RNF4: variants seen among roughly 807,000 people sequenced by gnomAD.
RNF4 encodes the protein ring finger protein 4, also known as E3 ubiquitin-protein ligase RNF4.
A neutral mutation model predicts 24.3 loss-of-function variants in RNF4; 7 were observed. That is an observed-to-expected ratio of 0.29 (90% CI 0.16 to 0.54). RNF4 has a LOEUF of 0.54. Among genes scored for constraint, RNF4 ranks in the 20% least tolerant of loss-of-function variants. RNF4 has a pLI of 0.95. For missense variants in RNF4, 209 were observed against 248.5 expected, an observed-to-expected ratio of 0.84 and a Z score of 1.07; for synonymous variants, 83 against 84.3, an observed-to-expected ratio of 0.98 and a Z score of 0.09.
At chr4:2,493,422 G>T (rs932030671) in intron 2 of RNF4, among the ~76,000 whole-genome samples, 3 of 152,072 alleles carry the variant, frequency 2.0e-5, no homozygotes, top group South Asian at 4.1e-4. Context: ...GGCTCCCTCA[G>T]TGGGGCCCAG....
At chr4:2,476,724 T>G (rs1735088472) in intron 1 of RNF4, among the ~76,000 whole-genome samples, 1 of 151,258 alleles carries the variant, frequency 6.6e-6, no homozygotes, top group African/African-American at 2.4e-5. Flanking sequence ...TTTTTTTAAT[T>G]TAAGAGAAGG....
rs375158980 is a variant in RNF4, at chr4:2,501,025, G to C, written c.204+287G>C. On this transcript the variant is annotated intron_variant, in intron 4 of 7. Transcript: ENST00000314289. ...GAGTAGGTCTGTGTAACCTGACCTT[G>C]CCACACCTGGGCACAAAAGTGGTTT... 2.0e-5 allele frequency among the ~76,000 whole-genome samples: 3 copies of C among 152,192 alleles called. No individual in the cohort carries two copies. In the East Asian group the frequency reaches 5.8e-4, roughly 29 times the overall value.
chr4:2,507,842 CTTTTTCTTTTTT>C (rs1483685186), intron 4 of RNF4, among the ~76,000 whole-genome samples: 1 of 151,950 alleles, frequency 6.6e-6, no homozygotes, highest in African/African-American at 2.4e-5. Flanking sequence ...GTGAGTGAAT[CTTTTTCTTTTTT>C]TTTTTCTTTT....
intron 4 of RNF4, among the ~76,000 whole-genome samples, chr4:2,502,630 T>C (rs3108490): frequency 0.89 from 132,799 of 149,910 alleles, 58,914 homozygotes; most frequent in South Asian, 0.94. Flanking sequence ...CGAGATCACG[T>C]CACTGCACTC....
Position 2,490,423 on chromosome 4 carries a change from T to C in RNF4, c.-71T>C. ...AGAGGGCATGAAAGGTTGAGAACAT[T>C]TGACTTCCCTGCAAACCTTGGTATA... On this transcript the variant is annotated 5_prime_UTR_variant, in exon 2 of 8. Transcript: ENST00000314289. The C allele has an allele frequency of 1.9e-6, 3 of 1,542,650 alleles. No homozygotes were observed. Among genetic ancestry groups the C allele is most frequent in the Non-Finnish European group, 2.7e-6 (3 of 1,124,804 alleles).
At chr4:2,511,695 C>T (rs1009557663) in intron 4 of RNF4, among the ~76,000 whole-genome samples, 19 of 152,110 alleles carry the variant, frequency 1.2e-4, no homozygotes, top group Non-Finnish European at 2.1e-4. Flanking sequence ...GCTGTGTTCA[C>T]GCTCCAGGAG....
In RNF4 at chr4:2,491,987, A is replaced by G. The variant is rs531162720; in HGVS notation, c.9+1485A>G. 2.0e-5 allele frequency among the ~76,000 whole-genome samples: 3 copies of G among 151,934 alleles called. No homozygotes were observed. The South Asian group carries it at 6.2e-4, about 32-fold the overall frequency. ...GCCGAGGTGGGCGGATCACGAGGTC[A>G]GGAGATCAAGACCATCCTGGCTAAC... On this transcript the variant is annotated intron_variant, in intron 2 of 7. Transcript: ENST00000314289.
intron 1 of RNF4, 113 bp from the exon 2 acceptor site, chr4:2,490,224 G>A (rs951664043): frequency 4.8e-6 from 2 of 417,050 alleles, no homozygotes; most frequent in Non-Finnish European, 8.7e-6. Context: ...GTCATTGCGT[G>A]AAATAGTAAG....
At chr4:2,484,568 G>A (rs749277351) in intron 1 of RNF4, among the ~76,000 whole-genome samples, 1 of 151,202 alleles carries the variant, frequency 6.6e-6, no homozygotes, top group Non-Finnish European at 1.5e-5. Context: ...TCTGCACATC[G>A]TATACATATA....
intron 1 of RNF4, among the ~76,000 whole-genome samples, chr4:2,471,691 C>A (rs1467995119): frequency 1.3e-5 from 2 of 152,214 alleles, no homozygotes; most frequent in African/African-American, 4.8e-5. Flanking sequence ...ATAAGCCAAA[C>A]AGCCTTATTG....
intron 4 of RNF4, among the ~76,000 whole-genome samples, chr4:2,506,979 T>C (rs1329333157): frequency 6.6e-6 from 1 of 152,196 alleles, no homozygotes; most frequent in Non-Finnish European, 1.5e-5. Context: ...CGAGATTCTT[T>C]AAGGGGAAGG....
Position 2,512,026 on chromosome 4 carries a change from C to T in RNF4, c.214+61C>T, listed in dbSNP as rs777422183. On this transcript the variant is annotated intron_variant, in intron 5 of 7. Transcript: ENST00000314289. This position sits in a 1 kb window ranked among gnomAD's most constrained non-coding sequence, Gnocchi z 4.1. Reference sequence around the variant, plus strand: ...AGAGGAAACTGGCATAGGTGAGAGCCGCGGTGCTGCAGGTCTTGCCAGACC... The same window carrying T: ...AGAGGAAACTGGCATAGGTGAGAGCTGCGGTGCTGCAGGTCTTGCCAGACC... 3.9e-6 allele frequency: 6 copies of T among 1,523,994 alleles called. No individual in the cohort carries two copies. The highest frequency in any genetic ancestry group is 1.2e-5 in the South Asian group (1 of 85,532). The allele number at this position is 1,523,994 out of a possible 1,614,324, so 94.4% of individuals were successfully genotyped here.
intron 4 of RNF4, among the ~76,000 whole-genome samples, chr4:2,510,502 ATG>A (rs1312277176): frequency 6.6e-6 from 1 of 152,194 alleles, no homozygotes; most frequent in African/African-American, 2.4e-5. Flanking sequence ...TTTCTTCAGG[ATG>A]CAGCTGTGCC....
At chr4:2,510,453 A>G (rs1712089209) in intron 4 of RNF4, among the ~76,000 whole-genome samples, 1 of 152,134 alleles carries the variant, frequency 6.6e-6, no homozygotes, top group South Asian at 2.1e-4. Flanking sequence ...TAGGGAGGAG[A>G]GGCCTGGGCT....
intron 4 of RNF4, 99 bp downstream of exon 4, chr4:2,500,837 A>G (rs1735888479): frequency 9.1e-7 from 1 of 1,101,806 alleles, no homozygotes; most frequent in Admixed American, 2.0e-5. Context: ...AGTCAAGGTT[A>G]CAGCTTATGC....
chr4:2,471,547 T>C (rs1030312542), intron 1 of RNF4, among the ~76,000 whole-genome samples: 1 of 151,628 alleles, frequency 6.6e-6, no homozygotes, highest in African/African-American at 2.4e-5. Flanking sequence ...TGTTTATCCT[T>C]AGTGAGAAAG....
chr4:2,469,630 GT>G (rs1382754501), intron 1 of RNF4: 1 of 152,270 alleles, frequency 6.6e-6, no homozygotes, highest in Non-Finnish European at 1.5e-5. Flanking sequence ...CAGGGTTTTT[GT>G]TCCCCGCTGA....
At chr4:2,510,579 G>C (rs1342436265) in intron 4 of RNF4, among the ~76,000 whole-genome samples, 1 of 152,216 alleles carries the variant, frequency 6.6e-6, no homozygotes, top group African/African-American at 2.4e-5. Context: ...AGTAGCATGA[G>C]TGTGTCTGTT....
chr4:2,475,283 A>C (rs529568108), intron 1 of RNF4, among the ~76,000 whole-genome samples: 1 of 152,288 alleles, frequency 6.6e-6, no homozygotes, highest in Admixed American at 6.5e-5. Flanking sequence ...CTCTCACCTC[A>C]GCCTCCCAAG....
Sources: gnomAD v4.1 joint callset for allele counts (sites outside exome capture counted in the v4.1 genomes callset) on GRCh38, gnomAD v4.1.1 for gene constraint, Gnocchi (gnomAD v3.1) non-coding constraint, MANE v1.5 for transcripts, NCBI Gene and HGNC (gene_info 2026-07-23, HGNC 2026-07-21) for gene names.